Variants in KLF17 observed in about 807,000 individuals in gnomAD.
KLF17 encodes KLF transcription factor 17, also known as Krueppel-like factor 17.
Under a neutral mutation model 34.2 loss-of-function variants are expected in KLF17, and 31 were observed. The ratio of observed to expected loss-of-function variants is 0.91; its 90% CI spans 0.68 to 1.22. The LOEUF (loss-of-function observed/expected upper bound fraction) is 1.22. KLF17 is among the 50% of genes most tolerant of loss of function. The pLI, the probability that KLF17 is intolerant of heterozygous loss-of-function variation, is 0.00. For missense variants in KLF17, 478 were observed against 505.2 expected (o/e 0.95, Z 0.52); for synonymous variants, 179 against 186.7 (o/e 0.96, Z 0.34).
At chr1:44,092,133 G>A in the KLF17 span, among the ~76,000 whole-genome samples, 2 of 151,462 alleles carry the variant, frequency 1.3e-5, no homozygotes, top group African/African-American at 2.4e-5. Context: ...ACCTGAGGTC[G>A]GGGGTTCGAG....
At chr1:44,109,340 C>T in the KLF17 span, among the ~76,000 whole-genome samples, 62 of 152,308 alleles carry the variant, frequency 4.1e-4, no homozygotes, top group African/African-American at 1.4e-3. Flanking sequence ...AGAAGCTGAA[C>T]TCCTAATACT....
chr1:44,088,107 T>TTATTTATTTATTTA, the KLF17 span: 34 of 182,522 alleles, frequency 1.9e-4, no homozygotes, highest in African/African-American at 6.7e-4. Flanking sequence ...GCACTCTTAT[T>TTATTTATTTATTTA]TTTATTTATT....
At chr1:44,115,866 C>A (rs1208728513), upstream of KLF17, 2 of 151,800 alleles carry the variant, frequency 1.3e-5, no homozygotes, top group Admixed American at 1.3e-4. Context: ...TTTTTTGGAG[C>A]CATAATATTA....
At chr1:44,116,316 A>G (rs1180377681), upstream of KLF17, among the ~76,000 whole-genome samples, 3 of 152,098 alleles carry the variant, frequency 2.0e-5, no homozygotes, top group Non-Finnish European at 4.4e-5. Context: ...TTCTTACCCC[A>G]CTTGTTATGA....
At chr1:44,086,711 A>T in the KLF17 span, among the ~76,000 whole-genome samples, 1 of 152,202 alleles carries the variant, frequency 6.6e-6, no homozygotes, top group African/African-American at 2.4e-5. Context: ...GAGAGGGCAC[A>T]GCCAGCCCAG....
chr1:44,065,085 G>A, the KLF17 span, among the ~76,000 whole-genome samples: 3 of 151,988 alleles, frequency 2.0e-5, no homozygotes, highest in African/African-American at 4.8e-5. Flanking sequence ...TCAGGAGTTC[G>A]AGAGCAGTCT....
chr1:44,092,090 C>G, the KLF17 span, among the ~76,000 whole-genome samples: 5 of 150,192 alleles, frequency 3.3e-5, no homozygotes, highest in African/African-American at 1.2e-4. Context: ...CACCTATAAT[C>G]CCAGCACTTT....
Position 44,129,680 on chromosome 1 carries a change from G to A in KLF17, c.409G>A (p.Glu137Lys). The A allele has an allele frequency of 6.2e-7, 1 of 1,614,200 alleles. No homozygotes were observed. Among genetic ancestry groups the A allele is most frequent in the Non-Finnish European group, 8.5e-7 (1 of 1,180,034 alleles). ...TGGGCCCCAACTAATGCCCGTAGGA[G>A]AGCCCAATATTCCAAGGGTAGCCAG... ...FSGPQLMPVG[E>K]PNIPRVARPF... Residue 137 changes from glutamate (E) to lysine (K), a missense_variant, in exon 2 of 4, where the codon GAG (glutamate) becomes AAG (lysine). By Grantham distance (56) the Glu-to-Lys change is moderately conservative. Transcript: ENST00000372299.
chr1:44,122,157 C>T (rs756936145), intron 1 of KLF17: 14 of 1,567,506 alleles, frequency 8.9e-6, no homozygotes, highest in Middle Eastern at 2.1e-4. Context: ...GAGACATTAT[C>T]GCCTAGGACC....
chr1:44,099,084 C>T, the KLF17 span, among the ~76,000 whole-genome samples: 4 of 152,018 alleles, frequency 2.6e-5, no homozygotes, highest in East Asian at 1.9e-4. Context: ...CTATAATGTG[C>T]TACCTTTTGT....
At position 44,133,077 on chromosome 1, in the gene KLF17, G is replaced by A. The variant is rs76733272; in HGVS notation, c.*1-161G>A. On this transcript the variant is annotated intron_variant, in intron 3 of 3. Coordinates refer to ENST00000372299, the MANE Select transcript of KLF17 (RefSeq NM_173484.4). ...AGCTGGTTTCTGTGCTCAAGGGACCGTCTTGATCTGGGGGCTCAGAGGTCC... is the reference window on the plus strand; with the variant it reads ...AGCTGGTTTCTGTGCTCAAGGGACCATCTTGATCTGGGGGCTCAGAGGTCC... Among the ~76,000 whole-genome samples the A allele has an allele frequency of 3.0e-3, 463 of 152,302 alleles. 5 individuals carry two copies. The highest frequency in any genetic ancestry group is 0.01 in the African/African-American group (431 of 41,568).
chr1:44,083,257 C>T, the KLF17 span, among the ~76,000 whole-genome samples: 1 of 150,940 alleles, frequency 6.6e-6, no homozygotes, highest in Non-Finnish European at 1.5e-5. Flanking sequence ...TACCTTTAAA[C>T]TTTTGAGGTG....
chr1:44,062,617 A>T, the KLF17 span, among the ~76,000 whole-genome samples: 1 of 151,444 alleles, frequency 6.6e-6, no homozygotes, highest in Admixed American at 6.6e-5. Context: ...GCTACTCAGG[A>T]GGCTGAGGTG....
At chr1:44,111,144 C>G in the KLF17 span, among the ~76,000 whole-genome samples, 1 of 148,086 alleles carries the variant, frequency 6.8e-6, no homozygotes. Flanking sequence ...CACCACCACT[C>G]CCAGCTATAT....
At chr1:44,127,640 TTCTTTC>T (rs202213921) in intron 1 of KLF17, among the ~76,000 whole-genome samples, 72 of 63,794 alleles carry the variant, frequency 1.1e-3, no homozygotes, top group Non-Finnish European at 1.2e-3. Flanking sequence ...TTTTCTTTCC[TTCTTTC>T]TTTCTTTCTT....
At chr1:44,070,698 A>G in the KLF17 span, among the ~76,000 whole-genome samples, 3 of 140,762 alleles carry the variant, frequency 2.1e-5, no homozygotes, top group African/African-American at 8.1e-5. Context: ...GGCTCCAGTG[A>G]GCCTCCCACC....
the KLF17 span, chr1:44,045,100 T>C: frequency 2.6e-5 from 4 of 152,300 alleles, no homozygotes; most frequent in African/African-American, 9.6e-5. Flanking sequence ...GGTGCCATGA[T>C]TGAGATTGGA....
the KLF17 span, among the ~76,000 whole-genome samples, chr1:44,093,446 G>A: frequency 2.0e-5 from 3 of 152,170 alleles, no homozygotes; most frequent in Non-Finnish European, 2.9e-5. Flanking sequence ...CCAAGCTGGA[G>A]TGCAGTGGTG....
chr1:44,052,536 GTC>G, the KLF17 span, among the ~76,000 whole-genome samples: 31 of 152,240 alleles, frequency 2.0e-4, no homozygotes, highest in African/African-American at 7.5e-4. Flanking sequence ...CATTTGTTTA[GTC>G]TCTCTCTGCC....
Sources: allele counts gnomAD v4.1 joint callset (sites outside exome capture counted in the v4.1 genomes callset), GRCh38; gene constraint gnomAD v4.1.1; transcripts MANE v1.5; gene names NCBI Gene and HGNC (gene_info 2026-07-23, HGNC 2026-07-21).